Variants in RCC1L observed in about 807,000 individuals in gnomAD.
RCC1L encodes the protein RCC1-like G exchanging factor-like protein.
Under a neutral mutation model 58.6 loss-of-function variants are expected in RCC1L, and 46 were observed. The observed-to-expected ratio is 0.79, with a 90% CI of 0.62 to 1.00. The LOEUF is 1.00. Ranked by LOEUF, RCC1L falls within the 50% of genes least tolerant of loss-of-function variation. The pLI is 0.00. For synonymous variants in RCC1L, 281 were observed against 262.9 expected (o/e 1.07, Z -0.67); for missense variants, 636 against 623.6 (o/e 1.02, Z -0.21).
At chr7:75,039,024 G>A (rs940547051), downstream of RCC1L, among the ~76,000 whole-genome samples, 2 of 152,198 alleles carry the variant, frequency 1.3e-5, no homozygotes, top group South Asian at 2.1e-4. Context: ...TATTTTCAGT[G>A]GAGATGGGGT....
chr7:75,068,472 G>A (rs1009221961), intron 2 of RCC1L, among the ~76,000 whole-genome samples: 7 of 152,144 alleles, frequency 4.6e-5, no homozygotes, highest in African/African-American at 1.7e-4. Flanking sequence ...GACCACTTGA[G>A]GTCAGGAGTT....
chr7:75,066,893 G>A, intron 2 of RCC1L, 101 bp from the exon 3 acceptor site: 1 of 1,431,314 alleles, frequency 7.0e-7, no homozygotes, highest in Admixed American at 2.8e-5. Flanking sequence ...AGAGTCGGAG[G>A]TAGGAAAGAC....
At chr7:75,049,163 T>C (rs1185841616) in intron 10 of RCC1L, among the ~76,000 whole-genome samples, 2 of 152,182 alleles carry the variant, frequency 1.3e-5, no homozygotes, top group African/African-American at 4.8e-5. Flanking sequence ...TTTTAAATGA[T>C]GTAATATATC....
At chr7:75,065,670 C>G (rs782353177) in intron 3 of RCC1L, among the ~76,000 whole-genome samples, 1 of 152,128 alleles carries the variant, frequency 6.6e-6, no homozygotes, top group Non-Finnish European at 1.5e-5. Flanking sequence ...TCTGAAAGCC[C>G]CCAACTACTT....
At position 75,042,867 on chromosome 7, in the gene RCC1L, C is replaced by T; in HGVS notation, c.*165G>A. 3 of 1,466,108 alleles carry T rather than the reference C, an allele frequency of 2.0e-6. No homozygotes were observed. Among genetic ancestry groups the T allele is most frequent in the Middle Eastern group, 2.5e-4 (1 of 3,988 alleles). 90.8% of individuals were successfully genotyped at this position (1,466,108 alleles called of 1,614,324 possible). On this transcript the variant is annotated 3_prime_UTR_variant, in exon 11 of 11. Coordinates refer to ENST00000610322, the MANE Select transcript of RCC1L (RefSeq NM_030798.5). ...GCTGGAGAGGGACCTTGCCCTGATC[C>T]TCCTGGTAGGTACCCGCTAAGGGAT...
intron 10 of RCC1L, among the ~76,000 whole-genome samples, chr7:75,035,453 G>A (rs1387235581): frequency 6.6e-6 from 1 of 152,280 alleles, no homozygotes; most frequent in South Asian, 2.1e-4. Context: ...AATTTACAGA[G>A]TGTGTTGTAG....
At chr7:75,050,071 G>A (rs941888262) in intron 10 of RCC1L, among the ~76,000 whole-genome samples, 5 of 152,158 alleles carry the variant, frequency 3.3e-5, no homozygotes, top group African/African-American at 7.2e-5. Context: ...AAATGCCGCC[G>A]TCACGGGGAC....
At chr7:75,056,388 A>G (rs1405831585) in intron 8 of RCC1L, 46 of 929,852 alleles carry the variant, frequency 4.9e-5, no homozygotes, top group Admixed American at 2.1e-4. Context: ...CAGAAAACCC[A>G]TACGAATACC....
At chr7:75,032,066 G>C (rs1470937652) in intron 10 of RCC1L, among the ~76,000 whole-genome samples, 1 of 152,218 alleles carries the variant, frequency 6.6e-6, no homozygotes, top group Non-Finnish European at 1.5e-5. Flanking sequence ...CCTCTACCAT[G>C]CTCTGGTGTG....
chr7:75,042,599 C>A lies in RCC1L; in HGVS notation c.*433G>T. On this transcript the variant is annotated 3_prime_UTR_variant, in exon 11 of 11. Coordinates refer to ENST00000610322, the MANE Select transcript of RCC1L (RefSeq NM_030798.5). Reference sequence around the variant, plus strand: ...AGCCAGCCTGACTCCCTCGCCTAAGCTGGGGCTCGGTCCGAGGCACACGCA... The same window carrying A: ...AGCCAGCCTGACTCCCTCGCCTAAGATGGGGCTCGGTCCGAGGCACACGCA... The A allele has an allele frequency of 9.9e-7, 1 of 1,005,402 alleles. No homozygotes were observed. The highest frequency in any genetic ancestry group is 4.2e-5 in the South Asian group (1 of 23,838). The allele number at this position is 1,005,402 out of a possible 1,614,324, so 62.3% of individuals were successfully genotyped here. A position where few individuals can be genotyped will look rare whatever the true frequency, so the allele number is the denominator to read the frequency against.
intron 1 of RCC1L, among the ~76,000 whole-genome samples, chr7:75,072,192 G>GA (rs1806785594): frequency 5.7e-4 from 36 of 63,184 alleles, no homozygotes; most frequent in African/African-American, 8.4e-4. Flanking sequence ...ATATATATAT[G>GA]GAGAGAGAGA....
intron 10 of RCC1L, among the ~76,000 whole-genome samples, chr7:75,050,639 G>A (rs1805875556): frequency 6.6e-6 from 1 of 152,218 alleles, no homozygotes; most frequent in Admixed American, 6.5e-5. Flanking sequence ...GAGTCAGTGA[G>A]AAAGCAAGTG....
chr7:75,036,054 G>A (rs1302879224), intron 10 of RCC1L, among the ~76,000 whole-genome samples: 6 of 151,600 alleles, frequency 4.0e-5, no homozygotes, highest in Non-Finnish European at 7.4e-5. Context: ...TACAAGCAGG[G>A]TTGAGAATGA....
intron 2 of RCC1L, among the ~76,000 whole-genome samples, chr7:75,068,759 T>G (rs1370223360): frequency 1.3e-5 from 2 of 152,212 alleles, no homozygotes; most frequent in Admixed American, 1.3e-4. Context: ...GCTATGTATG[T>G]AAAAATGTAT....
At chr7:75,066,538 G>A (rs1806492717) in intron 3 of RCC1L, 126 bp downstream of exon 3, 2 of 1,320,324 alleles carry the variant, frequency 1.5e-6, no homozygotes, top group African/African-American at 1.5e-5. Context: ...ATCTGCTCAG[G>A]AAATACCACA....
chr7:75,069,212 A>G (rs1460102157), intron 2 of RCC1L, among the ~76,000 whole-genome samples: 10 of 150,848 alleles, frequency 6.6e-5, no homozygotes, highest in Admixed American at 4.0e-4. Context: ...TTTTTTTAAG[A>G]GACATGATCT....
chr7:75,036,241 C>T (rs1324009599), intron 10 of RCC1L, among the ~76,000 whole-genome samples: 4 of 151,014 alleles, frequency 2.6e-5, no homozygotes, highest in Admixed American at 6.6e-5. Context: ...CTCAGCCTCC[C>T]GGGTAGCTGG....
At chr7:75,045,539 C>T (rs1315021125) in intron 10 of RCC1L, among the ~76,000 whole-genome samples, 11 of 148,448 alleles carry the variant, frequency 7.4e-5, no homozygotes, top group Non-Finnish European at 1.5e-4. Flanking sequence ...TTTTTTGAGA[C>T]GGAGTCTCGC....
At chr7:75,061,005 T>C (rs1806259483) in intron 6 of RCC1L, among the ~76,000 whole-genome samples, 1 of 152,082 alleles carries the variant, frequency 6.6e-6, no homozygotes, top group Non-Finnish European at 1.5e-5. Flanking sequence ...GCCTGGGAGT[T>C]TGAGACTGCA....
Sources: allele counts gnomAD v4.1 joint callset (sites outside exome capture counted in the v4.1 genomes callset), GRCh38; gene constraint gnomAD v4.1.1; transcripts MANE v1.5; gene names NCBI Gene and HGNC (gene_info 2026-07-23, HGNC 2026-07-21).